The following DHRS3 variants were observed in gnomAD, a reference collection of about 807,000 sequenced individuals.
DHRS3 encodes short-chain dehydrogenase/reductase 3.
DHRS3 carries 14 observed loss-of-function variants against 27.2 expected under a neutral mutation model. The observed-to-expected ratio is 0.52, with a 90% CI of 0.34 to 0.81. The LOEUF (loss-of-function observed/expected upper bound fraction) is 0.81. DHRS3 is among the 30% of genes least tolerant of loss of function. The pLI, the probability that DHRS3 is intolerant of heterozygous loss-of-function variation, is 0.01. For missense variants in DHRS3, 322 were observed against 406.2 expected, an observed-to-expected ratio of 0.79 and a Z score of 1.78; for synonymous variants, 165 against 175.9, an observed-to-expected ratio of 0.94 and a Z score of 0.49.
intron 1 of DHRS3, among the ~76,000 whole-genome samples, chr1:12,583,382 C>T (rs1160266416): frequency 1.4e-5 from 2 of 140,196 alleles, no homozygotes; most frequent in Non-Finnish European, 3.1e-5. Context: ...ACCCACCCCA[C>T]CCCATCCATC....
At chr1:12,587,349 C>G (rs1420005325) in intron 1 of DHRS3, among the ~76,000 whole-genome samples, 1 of 151,428 alleles carries the variant, frequency 6.6e-6, no homozygotes, top group Non-Finnish European at 1.5e-5. Flanking sequence ...TGCCATGTTT[C>G]CCAGGCTGGT....
chr1:12,582,673 G>A (rs1014545434), intron 1 of DHRS3, among the ~76,000 whole-genome samples: 10 of 151,952 alleles, frequency 6.6e-5, no homozygotes, highest in Admixed American at 1.3e-4. Flanking sequence ...ACCACCCCCC[G>A]CCTTGCCTTG....
chr1:12,587,307 TA>T (rs1170339769), intron 1 of DHRS3, among the ~76,000 whole-genome samples: 1 of 151,586 alleles, frequency 6.6e-6, no homozygotes, highest in African/African-American at 2.4e-5. Context: ...TACTCCTGGC[TA>T]ATTTTTATAT....
intron 1 of DHRS3, among the ~76,000 whole-genome samples, chr1:12,612,332 C>G (rs888471282): frequency 1.4e-4 from 22 of 152,210 alleles, no homozygotes; most frequent in African/African-American, 3.4e-4. Context: ...TTTCTATTCT[C>G]ACCAGTACTG....
intron 4 of DHRS3, among the ~76,000 whole-genome samples, chr1:12,576,493 CGGAGCTTGCAGTGAGCCGAGAT>C (rs1398451046): frequency 6.6e-6 from 1 of 151,546 alleles, no homozygotes; most frequent in Non-Finnish European, 1.5e-5. Flanking sequence ...ACCCGGGAGA[CGGAGCTTGCAGTGAGCCGAGAT>C]GGCACCACTG....
rs140000718 is a variant in DHRS3, at chr1:12,572,746, G to C, written c.806C>G (p.Ala269Gly). 45 of 1,607,536 alleles carry C rather than the reference G, an allele frequency of 2.8e-5. No individual in the cohort carries two copies. The highest frequency in any genetic ancestry group is 1.2e-4 in the Admixed American group (7 of 58,908). ...ALLLLPWTMH[A>G]LVILKSILPQ... The stretch of plus-strand genomic sequence containing the variant: ...CCCATACCTTTTCAAGATAACGAGG[G>C]CATGCATTGTCCATGGGAGGAGGAG... The change falls in exon 5 of 6, where the codon GCC becomes GGC. Residue 269 changes from alanine (A) to glycine (G), a missense_variant. By Grantham distance (60) the Ala-to-Gly change is moderately conservative (BLOSUM62 0). Coordinates refer to ENST00000616661, the MANE Select transcript of DHRS3 (RefSeq NM_004753.7).
chr1:12,580,441 C>T (rs1448992671), intron 2 of DHRS3, 82 bp downstream of exon 2: 4 of 1,599,722 alleles, frequency 2.5e-6, no homozygotes, highest in East Asian at 2.2e-5. Context: ...AGCTCTCTTC[C>T]AGGCCACATG....
At chr1:12,569,432 G>A (rs952165200) in intron 5 of DHRS3, among the ~76,000 whole-genome samples, 6 of 151,946 alleles carry the variant, frequency 3.9e-5, no homozygotes, top group Admixed American at 3.9e-4. Context: ...TGGGGTACAT[G>A]AAATACTTTG....
intron 1 of DHRS3, among the ~76,000 whole-genome samples, chr1:12,599,488 G>A (rs973789854): frequency 1.3e-5 from 2 of 152,256 alleles, no homozygotes; most frequent in African/African-American, 4.8e-5. Context: ...GGCTGGTCGT[G>A]CATCCTGTAG....
Position 12,578,268 on chromosome 1 carries a change from G to A in DHRS3, c.698+450C>T, listed in dbSNP as rs114878208. Among the ~76,000 whole-genome samples the A allele has an allele frequency of 3.3e-3, 505 of 152,270 alleles. 4 individuals carry two copies. Among genetic ancestry groups the A allele is most frequent in the African/African-American group, 0.011 (446 of 41,546 alleles). ...TCGTGGCATCACTGCCTTGCAGACC[G>A]AGAACCAGGTAAGACAGCGTCAAAC... On this transcript the variant is annotated intron_variant, in intron 4 of 5. Transcript: ENST00000616661. The surrounding 1 kb of genome is among the most constrained non-coding windows in gnomAD (Gnocchi z 4.5).
At chr1:12,615,162 GAAGCCTCATTATAAAGTAGCTCCA>G (rs1646936325) in intron 1 of DHRS3, among the ~76,000 whole-genome samples, 1 of 151,666 alleles carries the variant, frequency 6.6e-6, no homozygotes, top group Non-Finnish European at 1.5e-5. Context: ...AGTAGCTCCA[GAAGCCTCATTATAAAGTAGCTCCA>G]GAAGCCTCAT....
intron 1 of DHRS3, among the ~76,000 whole-genome samples, chr1:12,588,186 C>T (rs997736501): frequency 6.6e-6 from 1 of 152,186 alleles, no homozygotes; most frequent in Non-Finnish European, 1.5e-5. Flanking sequence ...CTGCAAAACC[C>T]TACTTGAATG....
chr1:12,574,830 G>A lies in DHRS3; in HGVS notation c.699-1977C>T, dbSNP rs182880225. Among the ~76,000 whole-genome samples the A allele has an allele frequency of 1.6e-3, 243 of 152,336 alleles. No individual in the cohort carries two copies. Among genetic ancestry groups the A allele is most frequent in the Non-Finnish European group, 1.9e-3 (132 of 68,036 alleles). On this transcript the variant is annotated intron_variant, in intron 4 of 5. Coordinates refer to ENST00000616661, the MANE Select transcript of DHRS3 (RefSeq NM_004753.7). The surrounding 1 kb of genome is among the most constrained non-coding windows in gnomAD (Gnocchi z 4.6). Reference sequence around the variant, plus strand: ...AGCTATTAACTCCCATGGAAGCAGTGCAAATTCGTGGAAGAAGCATGCTTA... The same window carrying A: ...AGCTATTAACTCCCATGGAAGCAGTACAAATTCGTGGAAGAAGCATGCTTA...
At chr1:12,595,737 T>G (rs2100698311) in intron 1 of DHRS3, among the ~76,000 whole-genome samples, 1 of 116,376 alleles carries the variant, frequency 8.6e-6, no homozygotes, top group African/African-American at 3.3e-5. Context: ...TGGGACAGGC[T>G]GGGGGCTGTG....
At position 12,611,934 on chromosome 1, in the gene DHRS3, A is replaced by AAAAT. The variant is rs138133904; in HGVS notation, c.195+5216_195+5219dup. Among the ~76,000 whole-genome samples, 636 of 144,818 alleles carry AAAAT rather than the reference A, an allele frequency of 4.4e-3. 5 individuals carry two copies. The highest frequency in any genetic ancestry group is 7.4e-3 in the African/African-American group (289 of 38,864). ...TAGGGAGACTCCCGTCTCTATTTTT[A>AAAAT]AAATAAATAAATAAATAAATAAATA... On this transcript the variant is annotated intron_variant, in intron 1 of 5. Coordinates refer to ENST00000616661, the MANE Select transcript of DHRS3 (RefSeq NM_004753.7).
chr1:12,572,967 T>C (rs567707508), intron 4 of DHRS3, 114 bp from the exon 5 acceptor site: 2 of 1,330,660 alleles, frequency 1.5e-6, no homozygotes, highest in Non-Finnish European at 2.0e-6. Context: ...GTCTGAGAGA[T>C]TCGAGGCCTG....
rs6667806 is a variant in DHRS3 at position 12,616,523 on chromosome 1, A to G, written c.195+631T>C. ...ACTGGGGGGGAGGGGACAGGGTTGAAGGTGAGAACAAGGGCTCTTTATCAG... is the reference window on the plus strand; with the variant it reads ...ACTGGGGGGGAGGGGACAGGGTTGAGGGTGAGAACAAGGGCTCTTTATCAG... On this transcript the variant is annotated intron_variant, in intron 1 of 5. Coordinates refer to ENST00000616661, the MANE Select transcript of DHRS3 (RefSeq NM_004753.7). 5,700 of 980,150 alleles carry G rather than the reference A, an allele frequency of 5.8e-3. 263 individuals are homozygous for G. In the African/African-American group the frequency reaches 0.091, roughly 16 times the overall value. The allele number at this position is 980,150 out of a possible 1,614,324, so 60.7% of individuals were successfully genotyped here. A position where few individuals can be genotyped will look rare whatever the true frequency, so the allele number is the denominator to read the frequency against.
At chr1:12,575,886 TA>T (rs1156792360) in intron 4 of DHRS3, among the ~76,000 whole-genome samples, 1 of 152,094 alleles carries the variant, frequency 6.6e-6, no homozygotes. Flanking sequence ...TTTGTATTTT[TA>T]GTAGAGACAG....
At chr1:12,571,436 A>AC (rs1646535596) in intron 5 of DHRS3, among the ~76,000 whole-genome samples, 2 of 151,804 alleles carry the variant, frequency 1.3e-5, no homozygotes, top group African/African-American at 4.8e-5. Flanking sequence ...GGCAGGGGCT[A>AC]TGTCCAATAG....
Sources: allele counts gnomAD v4.1 joint callset (sites outside exome capture counted in the v4.1 genomes callset), GRCh38; gene constraint gnomAD v4.1.1; non-coding constraint Gnocchi (gnomAD v3.1); transcripts MANE v1.5; gene names NCBI Gene and HGNC (gene_info 2026-07-23, HGNC 2026-07-21).